Variants in ADCK1 observed in about 807,000 individuals in gnomAD.
The protein encoded by ADCK1 is aarF domain-containing protein kinase 1.
ADCK1 carries 41 observed loss-of-function variants against 52.3 expected under a neutral mutation model. The ratio of observed to expected loss-of-function variants is 0.78; its 90% CI spans 0.61 to 1.02. ADCK1 has a LOEUF of 1.02. Among genes scored for constraint, ADCK1 ranks in the 50% least tolerant of loss-of-function variants. The pLI is 0.00. For synonymous variants in ADCK1, 250 were observed against 274.6 expected (o/e 0.91, Z 0.89); for missense variants, 658 against 679.5 (o/e 0.97, Z 0.35).
At chr14:77,900,855 T>C (rs1368798311) in intron 6 of ADCK1, among the ~76,000 whole-genome samples, 2 of 152,352 alleles carry the variant, frequency 1.3e-5, no homozygotes, top group East Asian at 3.9e-4. Context: ...ACAAGTATTA[T>C]AGCAGAACTG....
rs1042203552 is a variant in ADCK1 at position 77,926,890 on chromosome 14, C to T, written c.1206+929C>T. On this transcript the variant is annotated intron_variant, in intron 9 of 10. Transcript: ENST00000238561. ...TCAGGGTGGGCTCCCTTCCAGGGGGCTTTTCCAGCCTCCAGAATTGGCTGC... is the reference window on the plus strand; with the variant it reads ...TCAGGGTGGGCTCCCTTCCAGGGGGTTTTTCCAGCCTCCAGAATTGGCTGC... Among the ~76,000 whole-genome samples the T allele has an allele frequency of 2.6e-5, 4 of 152,110 alleles. No homozygotes were observed. In the South Asian group the frequency reaches 8.3e-4, roughly 32 times the overall value.
rs765643989 is a variant in ADCK1, at chr14:77,925,866, G to A, written c.1111G>A (p.Gly371Arg). 23 of 1,614,074 alleles carry A rather than the reference G, an allele frequency of 1.4e-5. No homozygotes were observed. The highest frequency in any genetic ancestry group is 1.6e-4 in the Middle Eastern group (1 of 6,084). ...GGAGTACAGCCAGCGACTGGGAGCC[G>A]GGGATCTCTACCCCTTGTTTGCCTG... ...VKEYSQRLGA[G>R]DLYPLFACML... The change falls in exon 9 of 11, where the codon GGG becomes AGG. Residue 371 changes from glycine to arginine, a missense_variant. Transcript: ENST00000238561.
At chr14:77,847,835 C>T (rs759598727) in intron 3 of ADCK1, among the ~76,000 whole-genome samples, 1 of 152,170 alleles carries the variant, frequency 6.6e-6, no homozygotes, top group African/African-American at 2.4e-5. Flanking sequence ...CCAGATCCCC[C>T]TGTGTGTTCA....
At chr14:77,802,673 G>A (rs1386521565) in intron 1 of ADCK1, among the ~76,000 whole-genome samples, 6 of 152,130 alleles carry the variant, frequency 3.9e-5, no homozygotes, top group African/African-American at 1.4e-4. Flanking sequence ...GTTCCTAGCC[G>A]GGCGCGGTGG....
chr14:77,836,103 A>G (rs557541443), intron 3 of ADCK1, among the ~76,000 whole-genome samples: 27 of 152,290 alleles, frequency 1.8e-4, no homozygotes, highest in African/African-American at 6.3e-4. Context: ...TACCGTGGGA[A>G]TGGGTTCATT....
chr14:77,886,930 A>G (rs4903665), intron 4 of ADCK1, among the ~76,000 whole-genome samples, 161 bp from the exon 5 acceptor site: 6,508 of 99,074 alleles, frequency 0.066, 283 homozygotes, highest in African/African-American at 0.14. Flanking sequence ...ACACACACAC[A>G]CACACACACA....
intron 3 of ADCK1, among the ~76,000 whole-genome samples, chr14:77,833,453 G>GAT (rs1250544214): frequency 6.6e-6 from 1 of 152,158 alleles, no homozygotes; most frequent in African/African-American, 2.4e-5. Context: ...GGCTTTCTCG[G>GAT]AGTTTGTGAT....
At chr14:77,858,170 G>A (rs1447770352) in intron 3 of ADCK1, among the ~76,000 whole-genome samples, 3 of 152,164 alleles carry the variant, frequency 2.0e-5, no homozygotes, top group African/African-American at 7.2e-5. Context: ...CCCTGCTAAA[G>A]TTTGCTGCAC....
chr14:77,932,346 A>G (rs2084361764), intron 10 of ADCK1, among the ~76,000 whole-genome samples: 1 of 152,160 alleles, frequency 6.6e-6, no homozygotes, highest in African/African-American at 2.4e-5. Context: ...ACCATGTCCA[A>G]CCTCAGATCT....
intron 6 of ADCK1, among the ~76,000 whole-genome samples, chr14:77,903,738 G>A (rs550958706): frequency 1.3e-5 from 2 of 152,270 alleles, no homozygotes; most frequent in African/African-American, 4.8e-5. Context: ...GGGTTCCTTA[G>A]TGTGAGGTAA....
At chr14:77,852,661 A>ATAAATAAATATATATATATATAT (rs1491256506) in intron 3 of ADCK1, among the ~76,000 whole-genome samples, 2 of 4,426 alleles carry the variant, frequency 4.5e-4, no homozygotes, top group African/African-American at 1.1e-3. Flanking sequence ...AAATAAATAA[A>ATAAATAAATATATATATATATAT]TATATATATA....
intron 1 of ADCK1, among the ~76,000 whole-genome samples, chr14:77,813,821 G>C (rs542974044): frequency 1.3e-5 from 2 of 149,010 alleles, no homozygotes; most frequent in Non-Finnish European, 3.0e-5. Flanking sequence ...ACGCTGTAGT[G>C]CGCAGTGGTG....
In ADCK1 at chr14:77,856,985, C is replaced by CA. The variant is rs200093238; in HGVS notation, c.220-2091_220-2090insA. 4.9e-3 allele frequency among the ~76,000 whole-genome samples: 709 copies of CA among 143,752 alleles called. 5 individuals are homozygous for CA. Among genetic ancestry groups the CA allele is most frequent in the African/African-American group, 0.016 (626 of 39,744 alleles). 94.3% of individuals were successfully genotyped at this position (143,752 alleles called of 152,430 possible). A position where few individuals can be genotyped will look rare whatever the true frequency, so the allele number is the denominator to read the frequency against. On this transcript the variant is annotated intron_variant, in intron 3 of 10. Transcript: ENST00000238561. ...CCACTGCACTCCAGCCTGGGTGTCTCCAAAAAAAAAAAAGTCTAGCAAAGC... is the reference window on the plus strand; with the variant it reads ...CCACTGCACTCCAGCCTGGGTGTCTCACAAAAAAAAAAAAGTCTAGCAAAGC...
Position 77,819,124 on chromosome 14 carries a change from C to T in ADCK1, c.135+11C>T, listed in dbSNP as rs1277791269. ...AGAGCAGTTGCTACGGTAGGTTTTT[C>T]CCTTTTGGGGGTAGCAGAGAAGCTG... On this transcript the variant is annotated intron_variant, in intron 2 of 10. Coordinates refer to ENST00000238561, the MANE Select transcript of ADCK1 (RefSeq NM_020421.4). The T allele has an allele frequency of 1.9e-6, 3 of 1,613,440 alleles. No homozygotes were observed. Among genetic ancestry groups the T allele is most frequent in the East Asian group, 4.5e-5 (2 of 44,868 alleles).
intron 3 of ADCK1, 79 bp from the exon 4 acceptor site, chr14:77,858,997 G>C (rs1007120424): frequency 7.3e-7 from 1 of 1,372,078 alleles, no homozygotes; most frequent in Non-Finnish European, 9.9e-7. Flanking sequence ...TTTTCAAGCA[G>C]AGCAGGAAGG....
At chr14:77,882,103 A>T (rs2083038620) in intron 4 of ADCK1, among the ~76,000 whole-genome samples, 1 of 149,332 alleles carries the variant, frequency 6.7e-6, no homozygotes, top group Non-Finnish European at 1.5e-5. Context: ...AGTTTTGCAG[A>T]GTCCTAGATA....
rs548290234 is a variant in ADCK1, at chr14:77,873,126, T to C, written c.423+13847T>C. ...AGTGTACACTGTAACCAATAAGTAG[T>C]CTCTTATCCCTCACCTCCCTCCCCA... On this transcript the variant is annotated intron_variant, in intron 4 of 10. Transcript: ENST00000238561. Among the ~76,000 whole-genome samples, 5 of 152,300 alleles carry C rather than the reference T, an allele frequency of 3.3e-5. No individual in the cohort carries two copies. In the East Asian group the frequency reaches 9.6e-4, roughly 29 times the overall value.
chr14:77,923,201 C>T lies in ADCK1; in HGVS notation c.859-1256C>T, dbSNP rs2084102974. The T allele has an allele frequency of 6.6e-6, 1 of 152,220 alleles. No individual in the cohort carries two copies. The highest frequency in any genetic ancestry group is 2.4e-5 in the African/African-American group (1 of 41,438). 9.4% of individuals were successfully genotyped at this position (152,220 alleles called of 1,614,324 possible). The stretch of plus-strand genomic sequence containing the variant: ...CCTTTGAGAACGTATGGCAAGGGAA[C>T]CTCATTTTGCCTGGGAGGCCAGGGA... On this transcript the variant is annotated intron_variant, in intron 7 of 10. Coordinates refer to ENST00000238561, the MANE Select transcript of ADCK1 (RefSeq NM_020421.4). This position sits in a 1 kb window ranked among gnomAD's most constrained non-coding sequence, Gnocchi z 4.3.
chr14:77,860,162 CA>C lies in ADCK1; in HGVS notation c.423+884del, dbSNP rs1320684539. 2.6e-5 allele frequency among the ~76,000 whole-genome samples: 4 copies of C among 152,224 alleles called. No homozygotes were observed. In the East Asian group the frequency reaches 7.7e-4, roughly 29 times the overall value. On this transcript the variant is annotated intron_variant, in intron 4 of 10. Coordinates refer to ENST00000238561, the MANE Select transcript of ADCK1 (RefSeq NM_020421.4). ...GATCTTATCCCTCCTTTGGGCTCTG[CA>C]GAACTTTGCTCCCTGCACTTGTGCA...
Sources: allele counts gnomAD v4.1 joint callset (sites outside exome capture counted in the v4.1 genomes callset), GRCh38; gene constraint gnomAD v4.1.1; non-coding constraint Gnocchi (gnomAD v3.1); transcripts MANE v1.5; gene names NCBI Gene and HGNC (gene_info 2026-07-23, HGNC 2026-07-21).